Variants in RPS6KC1 observed in about 807,000 individuals in gnomAD.
The protein encoded by RPS6KC1 is ribosomal protein S6 kinase C1, also known as inactive ribosomal protein S6 kinase delta-1.
In RPS6KC1, 54 loss-of-function variants were observed where a neutral mutation model predicts 103.8. The observed-to-expected ratio is 0.52, with a 90% confidence interval of 0.42 to 0.65. The LOEUF (loss-of-function observed/expected upper bound fraction) is 0.65. Among genes scored for constraint, RPS6KC1 ranks in the 30% least tolerant of loss-of-function variants. The pLI is 0.00. For missense variants in RPS6KC1, 1,151 were observed against 1,253.8 expected (o/e 0.92, Z 1.24); for synonymous variants, 439 against 438.7 (o/e 1.00, Z -0.01).
the RPS6KC1 span, chr1:213,839,778 A>C: frequency 2.0e-5 from 3 of 151,994 alleles, no homozygotes; most frequent in Admixed American, 6.6e-5. Context: ...TTTTTCCTCC[A>C]TGCTTCAGTT....
At chr1:213,310,354 C>T in the RPS6KC1 span, among the ~76,000 whole-genome samples, 2 of 152,184 alleles carry the variant, frequency 1.3e-5, no homozygotes, top group Non-Finnish European at 2.9e-5. Context: ...TCACCCGTAT[C>T]CCATCCTCCC....
chr1:213,447,852 A>G, the RPS6KC1 span, among the ~76,000 whole-genome samples: 12 of 152,192 alleles, frequency 7.9e-5, no homozygotes, highest in Non-Finnish European at 1.8e-4. Context: ...CATTCTTTGA[A>G]TCTAACAGTT....
chr1:213,447,548 T>C, the RPS6KC1 span, among the ~76,000 whole-genome samples: 762 of 152,366 alleles, frequency 5.0e-3, 6 homozygotes, highest in African/African-American at 0.017. Flanking sequence ...TCATGGCATA[T>C]CACCATTTGG....
At chr1:213,801,162 A>G in the RPS6KC1 span, among the ~76,000 whole-genome samples, 1 of 152,196 alleles carries the variant, frequency 6.6e-6, no homozygotes, top group African/African-American at 2.4e-5. Flanking sequence ...TCTTAGTGAC[A>G]TCTAAATGCA....
At chr1:213,349,728 G>A in the RPS6KC1 span, among the ~76,000 whole-genome samples, 16 of 152,144 alleles carry the variant, frequency 1.1e-4, no homozygotes, top group Non-Finnish European at 2.1e-4. Context: ...TTGTATTTCA[G>A]CATTTCAAAA....
chr1:213,140,130 T>A (rs2086839511), intron 6 of RPS6KC1, among the ~76,000 whole-genome samples: 1 of 152,078 alleles, frequency 6.6e-6, no homozygotes, highest in East Asian at 1.9e-4. Flanking sequence ...CATTCTTGAT[T>A]TGGCTCTCAG....
chr1:213,330,891 G>A, the RPS6KC1 span, among the ~76,000 whole-genome samples: 2 of 152,136 alleles, frequency 1.3e-5, no homozygotes, highest in African/African-American at 2.4e-5. Context: ...TACTCTCAGA[G>A]GGTGATCACT....
At chr1:213,064,280 C>G (rs143266356) in intron 1 of RPS6KC1, among the ~76,000 whole-genome samples, 124 of 151,870 alleles carry the variant, frequency 8.2e-4, no homozygotes, top group Admixed American at 1.7e-3. Flanking sequence ...TAGTCTTGAA[C>G]TTGTGACCTC....
chr1:213,604,149 C>T, the RPS6KC1 span, among the ~76,000 whole-genome samples: 7 of 152,292 alleles, frequency 4.6e-5, no homozygotes, highest in South Asian at 4.1e-4. Flanking sequence ...CTGCCCAGTG[C>T]GATAATATTT....
the RPS6KC1 span, among the ~76,000 whole-genome samples, chr1:213,775,539 A>T: frequency 2.0e-5 from 3 of 152,218 alleles, no homozygotes; most frequent in Non-Finnish European, 1.5e-5. Context: ...ACTAAATAAA[A>T]ATGTAATACC....
intron 1 of RPS6KC1, among the ~76,000 whole-genome samples, chr1:213,064,552 G>A (rs150818295): frequency 1.2e-4 from 18 of 151,512 alleles, no homozygotes; most frequent in African/African-American, 4.4e-4. Context: ...ATTTTTAGTA[G>A]AGATGGGGTT....
the RPS6KC1 span, among the ~76,000 whole-genome samples, chr1:213,291,856 C>A: frequency 2.6e-5 from 4 of 152,290 alleles, no homozygotes; most frequent in African/African-American, 9.6e-5. Flanking sequence ...CCTAGGTTTT[C>A]TTCTAGGGTT....
chr1:213,354,903 C>G, the RPS6KC1 span, among the ~76,000 whole-genome samples: 1 of 152,134 alleles, frequency 6.6e-6, no homozygotes, highest in Non-Finnish European at 1.5e-5. Flanking sequence ...ATATTCAAAC[C>G]GTAGCCAGCC....
intron 8 of RPS6KC1, among the ~76,000 whole-genome samples, chr1:213,227,249 A>C (rs2148830596): frequency 6.6e-6 from 1 of 152,344 alleles, no homozygotes; most frequent in South Asian, 2.1e-4. Context: ...ATAAATCATT[A>C]GTACCGACTT....
intron 14 of RPS6KC1, among the ~76,000 whole-genome samples, chr1:213,264,812 A>G (rs186901459): frequency 2.6e-3 from 390 of 152,298 alleles, no homozygotes; most frequent in Non-Finnish European, 4.7e-3. Context: ...AAATAATTCT[A>G]CGTGGGGGAA....
In RPS6KC1 at chr1:213,204,916, A is replaced by G. The variant is rs1297126187; in HGVS notation, c.1045-25581A>G. Among the ~76,000 whole-genome samples, 5 of 152,284 alleles carry G rather than the reference A, an allele frequency of 3.3e-5. No homozygotes were observed. The East Asian group carries it at 5.8e-4, about 18-fold the overall frequency. On this transcript the variant is annotated intron_variant, in intron 8 of 14. Transcript: ENST00000366960. Reference sequence around the variant, plus strand: ...AGTGCTGGGATTACAAGCATAAACCACAATGCCTGGCCTCACTTTTTATAA... The same window carrying G: ...AGTGCTGGGATTACAAGCATAAACCGCAATGCCTGGCCTCACTTTTTATAA...
the RPS6KC1 span, among the ~76,000 whole-genome samples, chr1:213,584,132 T>C: frequency 6.6e-6 from 1 of 152,238 alleles, no homozygotes; most frequent in African/African-American, 2.4e-5. Context: ...CCCTTTCGCT[T>C]GGTTCTCATT....
chr1:213,494,775 T>G, the RPS6KC1 span, among the ~76,000 whole-genome samples: 1 of 151,524 alleles, frequency 6.6e-6, no homozygotes, highest in South Asian at 2.1e-4. Flanking sequence ...TGTGATAAAA[T>G]TTTTTTTGAA....
At chr1:213,207,184 A>T (rs1558537538) in intron 8 of RPS6KC1, among the ~76,000 whole-genome samples, 1 of 152,326 alleles carries the variant, frequency 6.6e-6, no homozygotes, top group East Asian at 1.9e-4. Context: ...TGAGATGGCT[A>T]TTCAGAAAAG....
Sources: gnomAD v4.1 joint callset for allele counts (sites outside exome capture counted in the v4.1 genomes callset) on GRCh38, gnomAD v4.1.1 for gene constraint, MANE v1.5 for transcripts, NCBI Gene and HGNC (gene_info 2026-07-23, HGNC 2026-07-21) for gene names.